The following ABCA12 variants were observed in gnomAD, a reference collection of about 807,000 sequenced individuals.
ABCA12 encodes glucosylceramide transporter ABCA12.
A neutral mutation model predicts 293.5 loss-of-function variants in ABCA12; 156 were observed. The ratio of observed to expected loss-of-function variants is 0.53; its 90% CI spans 0.47 to 0.61. The LOEUF is 0.61. Among genes scored for constraint, ABCA12 ranks in the 20% least tolerant of loss-of-function variants. The pLI is 0.00. For synonymous variants in ABCA12, 1,063 were observed against 1,108.0 expected (o/e 0.96, Z 0.81); for missense variants, 2,797 against 3,090.2 (o/e 0.91, Z 2.25).
At chr2:214,934,341 A>G (rs1340805416) in intron 51 of ABCA12, 126 bp from the exon 52 acceptor site, 3 of 1,062,218 alleles carry the variant, frequency 2.8e-6, no homozygotes, top group Non-Finnish European at 4.4e-6. Flanking sequence ...ATGCTACAGT[A>G]TAAATAACGA....
At chr2:215,062,152 G>C (rs35929274) in intron 3 of ABCA12, among the ~76,000 whole-genome samples, 61,406 of 151,756 alleles carry the variant, frequency 0.4, 12,820 homozygotes, top group South Asian at 0.61. Context: ...CCCTCTGGCA[G>C]TCTTCATTGT....
At chr2:215,029,576 C>T (rs1406488469) in intron 9 of ABCA12, among the ~76,000 whole-genome samples, 2 of 152,008 alleles carry the variant, frequency 1.3e-5, no homozygotes, top group Non-Finnish European at 2.9e-5. Context: ...GGTGTATTGT[C>T]AAGCTTAAAA....
intron 5 of ABCA12, 85 bp from the exon 6 acceptor site, chr2:215,049,896 G>A (rs1476278575): frequency 1.5e-6 from 2 of 1,338,056 alleles, no homozygotes; most frequent in Non-Finnish European, 2.1e-6. Flanking sequence ...AATCTAAGCT[G>A]TCTTCAAAAT....
At chr2:215,100,788 A>G (rs1575044406) in intron 2 of ABCA12, among the ~76,000 whole-genome samples, 2 of 152,124 alleles carry the variant, frequency 1.3e-5, no homozygotes, top group East Asian at 1.9e-4. Context: ...ATCTCCACAT[A>G]GGGCAGCAAT....
chr2:214,965,494 G>A (rs1174826535), intron 39 of ABCA12, among the ~76,000 whole-genome samples: 1 of 152,112 alleles, frequency 6.6e-6, no homozygotes, highest in Non-Finnish European at 1.5e-5. Context: ...TCTGACAAAG[G>A]TCTAATATCC....
rs768861556 is a variant in ABCA12, at chr2:215,025,728, C to T, written c.1232G>A (p.Arg411His). ...AAAGTAATCTTCATAGGAACCATTGCGAAGAAAAGATTTTTTAAATCGTAT... is the reference window on the plus strand; with the variant it reads ...AAAGTAATCTTCATAGGAACCATTGTGAAGAAAAGATTTTTTAAATCGTAT... Reference protein sequence around the residue: ...STIRFKKSFLRNGSYEDYFPP... With the variant: ...STIRFKKSFLHNGSYEDYFPP... Residue 411 changes from arginine to histidine, a missense_variant, in exon 11 of 53, where the codon CGC becomes CAC. This residue lies in a region of ABCA12 where 656 missense variants were observed against 638.2 expected (regional missense o/e 1.03). Coordinates refer to ENST00000272895, the MANE Select transcript of ABCA12 (RefSeq NM_173076.3). 86 of 1,611,986 alleles carry T rather than the reference C, an allele frequency of 5.3e-5. No homozygotes were observed. The highest frequency in any genetic ancestry group is 6.6e-5 in the South Asian group (6 of 91,020).
intron 1 of ABCA12, among the ~76,000 whole-genome samples, chr2:215,135,213 C>T (rs2105923310): frequency 6.6e-6 from 1 of 152,304 alleles, no homozygotes; most frequent in East Asian, 1.9e-4. Context: ...CCTGATTCGG[C>T]CTCCCAAAGT....
chr2:215,006,910 TTG>T (rs1327968128), intron 19 of ABCA12, among the ~76,000 whole-genome samples: 2 of 149,848 alleles, frequency 1.3e-5, no homozygotes, highest in Admixed American at 6.7e-5. Flanking sequence ...AGTTTTGCTC[TTG>T]TTCTCCAGGC....
intron 31 of ABCA12, 72 bp downstream of exon 31, chr2:214,980,411 A>G: frequency 1.9e-6 from 3 of 1,584,466 alleles, no homozygotes; most frequent in Non-Finnish European, 2.6e-6. Context: ...AAAGTTGGAG[A>G]GACTCTGCTC....
rs1398959634 is a variant in ABCA12 at position 214,990,899 on chromosome 2, T to G, written c.3427A>C (p.Asn1143His). The change falls in exon 24 of 53, where the codon AAT becomes CAT. Residue 1143 changes from asparagine (N) to histidine (H), a missense_variant. Coordinates refer to ENST00000272895, the MANE Select transcript of ABCA12 (RefSeq NM_173076.3). ...LKFGNILPKTNGFILFLYFSD... is the reference protein window; with the variant it reads ...LKFGNILPKTHGFILFLYFSD... ...AAATACAGGAACAAAATGAACCCAT[T>G]TGTTTTAGGAAGAATATTGCCAAAC... 1.2e-6 allele frequency: 2 copies of G among 1,614,062 alleles called. No homozygotes were observed. The highest frequency in any genetic ancestry group is 3.3e-5 in the Admixed American group (2 of 60,018).
chr2:215,062,385 C>G (rs182956822), intron 3 of ABCA12, among the ~76,000 whole-genome samples: 2 of 151,908 alleles, frequency 1.3e-5, no homozygotes, highest in Admixed American at 6.6e-5. Context: ...AATTGCACAC[C>G]GGTGCTCATT....
intron 23 of ABCA12, among the ~76,000 whole-genome samples, chr2:214,995,422 T>C (rs1177112369): frequency 1.3e-5 from 2 of 152,214 alleles, no homozygotes; most frequent in African/African-American, 4.8e-5. Context: ...TCTGCAAATG[T>C]CCTTAGAAGT....
chr2:215,134,312 GTGTATATA>G (rs1294956358), intron 1 of ABCA12, among the ~76,000 whole-genome samples: 1 of 145,590 alleles, frequency 6.9e-6, no homozygotes, highest in African/African-American at 2.5e-5. Flanking sequence ...ATACGTATAT[GTGTATATA>G]TGTATATATG....
At chr2:215,097,349 T>C (rs2106113107) in intron 2 of ABCA12, among the ~76,000 whole-genome samples, 1 of 152,272 alleles carries the variant, frequency 6.6e-6, no homozygotes, top group Non-Finnish European at 1.5e-5. Flanking sequence ...AAAATCTTAG[T>C]GCATTGATGG....
In ABCA12 at chr2:215,087,370, G is replaced by A. The variant is rs184244986; in HGVS notation, c.164-23151C>T. On this transcript the variant is annotated intron_variant, in intron 2 of 52. Transcript: ENST00000272895. ...ATTAAAATGGTTTACTGCAAATACA[G>A]ATCTTTAGCTTCGATTAACACACAA... Among the ~76,000 whole-genome samples, 180 of 152,262 alleles carry A rather than the reference G, an allele frequency of 1.2e-3. 1 individual carries two copies. The highest frequency in any genetic ancestry group is 4.1e-3 in the African/African-American group (171 of 41,540).
At chr2:214,973,108 A>G (rs1410703591) in intron 36 of ABCA12, among the ~76,000 whole-genome samples, 1 of 152,196 alleles carries the variant, frequency 6.6e-6, no homozygotes, top group Non-Finnish European at 1.5e-5. Context: ...TACAGGCTTG[A>G]GCCATCACAC....
In ABCA12 at chr2:214,980,635, T is replaced by C. The variant is rs766252516; in HGVS notation, c.4588A>G (p.Ile1530Val). ...TCCAAGTGGTGCGTTGACAGAATGA[T>C]TGTTCTGGCTTGAAAATACAGACAA... is the stretch of plus-strand genomic sequence containing the variant. ...VISKNKTART[I>V]ILSTHHLDEA... The change falls in exon 31 of 53, where the codon ATC becomes GTC. Residue 1530 changes from isoleucine (I) to valine (V), a missense_variant. By Grantham distance (29) the Ile-to-Val change is conservative (BLOSUM62 3). This residue lies in a region of ABCA12 where 2,130 missense variants were observed against 2,427.0 expected (regional missense o/e 0.88). Transcript: ENST00000272895. The C allele has an allele frequency of 5.6e-6, 9 of 1,613,926 alleles. No homozygotes were observed. The South Asian group carries it at 8.8e-5, about 16-fold the overall frequency.
chr2:214,976,701 A>T (rs1002177180), intron 33 of ABCA12, among the ~76,000 whole-genome samples: 4 of 141,996 alleles, frequency 2.8e-5, no homozygotes, highest in East Asian at 1.9e-4. Context: ...TAGAGTTATT[A>T]AAAAAAAAGA....
intron 2 of ABCA12, among the ~76,000 whole-genome samples, chr2:215,095,298 T>C (rs1702228424): frequency 6.6e-6 from 1 of 152,216 alleles, no homozygotes; most frequent in South Asian, 2.1e-4. Flanking sequence ...CCTTGGGCAC[T>C]CTCTAATTGG....
Sources: gnomAD v4.1 joint callset for allele counts (sites outside exome capture counted in the v4.1 genomes callset) on GRCh38, gnomAD v4.1.1 for gene constraint, gnomAD v4.1.1 regional missense constraint, MANE v1.5 for transcripts, NCBI Gene and HGNC (gene_info 2026-07-23, HGNC 2026-07-21) for gene names.